Variants in PRRG1 observed in about 807,000 individuals in gnomAD.
PRRG1 encodes the protein proline rich and Gla domain 1.
PRRG1 carries 5 observed loss-of-function variants against 11.8 expected under a neutral mutation model. The ratio of observed to expected loss-of-function variants is 0.42; its 90% CI spans 0.22 to 0.89. The LOEUF is 0.89. PRRG1 is among the 40% of genes least tolerant of loss of function. PRRG1 has a pLI of 0.28. For synonymous variants in PRRG1, 66 were observed against 60.4 expected, an observed-to-expected ratio of 1.09 and a Z score of -0.43; for missense variants, 155 against 166.1, an observed-to-expected ratio of 0.93 and a Z score of 0.37.
intron 1 of PRRG1, among the ~76,000 whole-genome samples, chrX:37,391,086 A>G (rs184827293): frequency 8.9e-6 from 1 of 111,787 alleles, no homozygotes; most frequent in African/African-American, 3.2e-5. Flanking sequence ...TTCCTTTCAG[A>G]TCTGACTCTT....
At chrX:37,376,739 G>A (rs1930973924) in intron 1 of PRRG1, among the ~76,000 whole-genome samples, 1 of 104,597 alleles carries the variant, frequency 9.6e-6, no homozygotes, top group African/African-American at 3.4e-5. Flanking sequence ...GTAGAATCTT[G>A]TGATGTCCCA....
chrX:37,368,292 A>T (rs1930644228), intron 1 of PRRG1, among the ~76,000 whole-genome samples: 1 of 112,155 alleles, frequency 8.9e-6, no homozygotes. Flanking sequence ...TCTAGTTATG[A>T]TTGTGGAATT....
At chrX:37,369,707 C>T (rs782224717) in intron 1 of PRRG1, among the ~76,000 whole-genome samples, 2 of 111,407 alleles carry the variant, frequency 1.8e-5, no homozygotes, top group East Asian at 2.8e-4. Flanking sequence ...ATTGTAGCTC[C>T]CATAATCCCC....
At chrX:37,451,259 C>T (rs1215506026) in intron 3 of PRRG1, among the ~76,000 whole-genome samples, 6 of 112,240 alleles carry the variant, frequency 5.3e-5, no homozygotes, top group Admixed American at 3.8e-4. Flanking sequence ...CTCAGGTGAT[C>T]GCCTGCCTCA....
intron 3 of PRRG1, among the ~76,000 whole-genome samples, chrX:37,428,074 C>T (rs1016749342): frequency 3.6e-5 from 4 of 110,951 alleles, no homozygotes; most frequent in African/African-American, 1.3e-4. Context: ...AGACTGGCCC[C>T]CATAATTCAA....
rs1601963307 is a variant in PRRG1, at chrX:37,350,920, C to T, written c.-42+1525C>T. Among the ~76,000 whole-genome samples, 4 of 110,467 alleles carry T rather than the reference C, an allele frequency of 3.6e-5. No individual in the cohort carries two copies. The Middle Eastern group carries it at 0.019, about 519-fold the overall frequency. Reference sequence around the variant, plus strand: ...TCCCAAATTTGGGGCAGGTGGAGGGCGGGGAGTGTTAGGGATGCCTTTTCT... The same window carrying T: ...TCCCAAATTTGGGGCAGGTGGAGGGTGGGGAGTGTTAGGGATGCCTTTTCT... On this transcript the variant is annotated intron_variant, in intron 1 of 3. Transcript: ENST00000378628.
intron 1 of PRRG1, among the ~76,000 whole-genome samples, chrX:37,400,058 C>T (rs1821949623): frequency 1.8e-5 from 2 of 111,451 alleles, no homozygotes; most frequent in East Asian, 2.8e-4. Context: ...CCACTATCAA[C>T]ATTAGACAGA....
At chrX:37,409,477 G>A (rs1932296043) in intron 2 of PRRG1, among the ~76,000 whole-genome samples, 1 of 112,346 alleles carries the variant, frequency 8.9e-6, no homozygotes, top group East Asian at 2.8e-4. Context: ...ATGTTTCCAG[G>A]CTGGTGATGA....
intron 1 of PRRG1, among the ~76,000 whole-genome samples, chrX:37,354,479 G>T (rs1930174929): frequency 9.3e-6 from 1 of 107,432 alleles, no homozygotes; most frequent in Non-Finnish European, 1.9e-5. Flanking sequence ...TGCAAGCTCT[G>T]CCTCCTGGGT....
At chrX:37,387,492 G>A (rs950662727) in intron 1 of PRRG1, among the ~76,000 whole-genome samples, 4 of 111,641 alleles carry the variant, frequency 3.6e-5, no homozygotes, top group Non-Finnish European at 7.5e-5. Context: ...AACTTAAATC[G>A]TGGCAGAAGG....
At chrX:37,401,256 T>G (rs1931965216) in intron 1 of PRRG1, among the ~76,000 whole-genome samples, 1 of 110,940 alleles carries the variant, frequency 9.0e-6, no homozygotes, top group South Asian at 3.9e-4. Flanking sequence ...GCAAACCAAA[T>G]CCAGCAGCAC....
chrX:37,427,298 G>A (rs909766638), intron 3 of PRRG1, among the ~76,000 whole-genome samples: 5 of 111,697 alleles, frequency 4.5e-5, no homozygotes, highest in Admixed American at 9.5e-5. Context: ...AGTTATGTTT[G>A]ACATATAAAA....
At chrX:37,436,956 C>T (rs1438358981) in intron 3 of PRRG1, among the ~76,000 whole-genome samples, 2 of 112,238 alleles carry the variant, frequency 1.8e-5, no homozygotes, top group Non-Finnish European at 3.8e-5. Context: ...AAGGCTTCCT[C>T]GCTACTTCTT....
intron 2 of PRRG1, among the ~76,000 whole-genome samples, chrX:37,420,807 A>C (rs1457913166): frequency 9.0e-6 from 1 of 110,986 alleles, no homozygotes; most frequent in Non-Finnish European, 1.9e-5. Context: ...GGTTGCAGTG[A>C]GCCAAGATCA....
At chrX:37,407,173 G>A (rs145662044) in intron 2 of PRRG1, among the ~76,000 whole-genome samples, 2,273 of 111,340 alleles carry the variant, frequency 0.02, 57 homozygotes, top group African/African-American at 0.07. Flanking sequence ...CTCTGTTTGG[G>A]GCACCATCTG....
chrX:37,409,628 C>CT (rs782119832), intron 2 of PRRG1, among the ~76,000 whole-genome samples: 2 of 112,309 alleles, frequency 1.8e-5, no homozygotes, highest in African/African-American at 6.4e-5. Context: ...CTAAGCTTTG[C>CT]TTAGTTTGCC....
intron 1 of PRRG1, among the ~76,000 whole-genome samples, chrX:37,394,639 A>C (rs782632400): frequency 8.9e-6 from 1 of 111,769 alleles, no homozygotes; most frequent in South Asian, 3.8e-4. Context: ...AGAGCTAGAT[A>C]TAATTGAATC....
At chrX:37,437,264 C>A (rs1932895165) in intron 3 of PRRG1, among the ~76,000 whole-genome samples, 1 of 110,604 alleles carries the variant, frequency 9.0e-6, no homozygotes, top group Non-Finnish European at 1.9e-5. Context: ...GAGTTTCAGC[C>A]TGTATGATAT....
At chrX:37,356,467 C>T (rs1445157597) in intron 1 of PRRG1, among the ~76,000 whole-genome samples, 1 of 111,149 alleles carries the variant, frequency 9.0e-6, no homozygotes, top group Non-Finnish European at 1.9e-5. Flanking sequence ...ATGGTTTTTG[C>T]GGCTGGAGTA....
Sources: gnomAD v4.1 joint callset for allele counts (sites outside exome capture counted in the v4.1 genomes callset) on GRCh38, gnomAD v4.1.1 for gene constraint, MANE v1.5 for transcripts, NCBI Gene and HGNC (gene_info 2026-07-23, HGNC 2026-07-21) for gene names.